Variants in TIMM8A observed in about 807,000 individuals in gnomAD.
TIMM8A encodes the protein mitochondrial import inner membrane translocase subunit Tim8 A.
TIMM8A carries 2 observed loss-of-function variants against 6.8 expected under a neutral mutation model. The observed-to-expected ratio is 0.30, with a 90% confidence interval of 0.12 to 0.93. TIMM8A has a LOEUF of 0.93. TIMM8A is among the 40% of genes least tolerant of loss of function. TIMM8A has a pLI of 0.55. For missense variants in TIMM8A, 34 were observed against 75.2 expected, an observed-to-expected ratio of 0.45 and a Z score of 2.02; for synonymous variants, 26 against 28.5, an observed-to-expected ratio of 0.91 and a Z score of 0.28.
Position 101,348,712 on chromosome X carries a change from G to T in TIMM8A, c.-48C>A, listed in dbSNP as rs782200152. 2 of 1,203,547 alleles carry T rather than the reference G, an allele frequency of 1.7e-6. No homozygotes were observed. The highest frequency in any genetic ancestry group is 3.5e-5 in the African/African-American group (2 of 57,058). ...AGACGAACTCCGCACCGACCTTCACGTGTCTCCGCGACGGAACCGGAACCA... is the reference window on the plus strand; with the variant it reads ...AGACGAACTCCGCACCGACCTTCACTTGTCTCCGCGACGGAACCGGAACCA... On this transcript the variant is annotated 5_prime_UTR_variant, in exon 1 of 2. Coordinates refer to ENST00000372902, the MANE Select transcript of TIMM8A (RefSeq NM_004085.4).
Position 101,345,667 on chromosome X carries a change from C to A in TIMM8A, c.*832G>T, listed in dbSNP as rs1242761872. ...TGCCTTCTCAATCACAGAGTTGAAT[C>A]TTATATAGCTTTTATTTCAGTGATC... On this transcript the variant is annotated 3_prime_UTR_variant, in exon 2 of 2. Transcript: ENST00000372902. The A allele has an allele frequency of 3.1e-5, 23 of 753,762 alleles. No individual in the cohort carries two copies. Among genetic ancestry groups the A allele is most frequent in the Non-Finnish European group, 3.6e-5 (23 of 638,789 alleles). The allele number at this position is 753,762 out of a possible 1,213,427, so 62.1% of individuals were successfully genotyped here.
intron 1 of TIMM8A, chrX:101,348,127 T>C: frequency 9.4e-7 from 1 of 1,063,756 alleles, no homozygotes; most frequent in Non-Finnish European, 1.2e-6. Context: ...GTAATGAAGG[T>C]AAATCCCGAG....
rs782421039 is a variant in TIMM8A, at chrX:101,348,703, G to C, written c.-39C>G. The stretch of plus-strand genomic sequence containing the variant: ...AGCTTGCAGAGACGAACTCCGCACC[G>C]ACCTTCACGTGTCTCCGCGACGGAA... On this transcript the variant is annotated 5_prime_UTR_variant, in exon 1 of 2. Transcript: ENST00000372902. The C allele has an allele frequency of 7.5e-6, 9 of 1,207,874 alleles. No individual in the cohort carries two copies. The Admixed American group carries it at 2.0e-4, about 26-fold the overall frequency.
chrX:101,346,474 C>G lies in TIMM8A; in HGVS notation c.*25G>C, dbSNP rs185711695. On this transcript the variant is annotated 3_prime_UTR_variant, in exon 2 of 2. Transcript: ENST00000372902. ...GCTCTTCATTTCTTGAACTACCTTC[C>G]TTTTCCAAAGAGGTAATGCTGAGAT... 3.5e-4 allele frequency: 429 copies of G among 1,208,944 alleles called. 2 individuals are homozygous for G. The African/African-American group carries it at 6.7e-3, about 19-fold the overall frequency.
chrX:101,348,464 C>G, intron 1 of TIMM8A, 69 bp downstream of exon 1: 1 of 992,247 alleles, frequency 1.0e-6, no homozygotes. Flanking sequence ...GACGTTGTCG[C>G]GAGTCCCGCG....
At chrX:101,348,495 T>C in intron 1 of TIMM8A, 38 bp downstream of exon 1, 4 of 1,156,029 alleles carry the variant, frequency 3.5e-6, no homozygotes, top group Non-Finnish European at 4.6e-6. Context: ...AGAGGGAAAG[T>C]AGGTACAGTG....
In TIMM8A at chrX:101,346,279, C is replaced by T. The variant is rs1926067479; in HGVS notation, c.*220G>A. 2 of 1,073,342 alleles carry T rather than the reference C, an allele frequency of 1.9e-6. No homozygotes were observed. Among genetic ancestry groups the T allele is most frequent in the Admixed American group, 7.7e-5 (2 of 25,861 alleles). 88.5% of individuals were successfully genotyped at this position (1,073,342 alleles called of 1,213,427 possible). ...CTAAATAGAGTTTTCTTTCGCCTGTCAATTATTTTCACAAGATTAGCATTA... is the reference window on the plus strand; with the variant it reads ...CTAAATAGAGTTTTCTTTCGCCTGTTAATTATTTTCACAAGATTAGCATTA... On this transcript the variant is annotated 3_prime_UTR_variant, in exon 2 of 2. Coordinates refer to ENST00000372902, the MANE Select transcript of TIMM8A (RefSeq NM_004085.4).
At chrX:101,346,765 A>C in intron 1 of TIMM8A, 105 bp from the exon 2 acceptor site, 1 of 825,985 alleles carries the variant, frequency 1.2e-6, no homozygotes, top group South Asian at 2.3e-5. Context: ...ACTTTACCTA[A>C]AAATAATATC....
chrX:101,348,702 C>G lies in TIMM8A; in HGVS notation c.-38G>C. 1 of 1,207,868 alleles carries G rather than the reference C, an allele frequency of 8.3e-7. No homozygotes were observed. Among genetic ancestry groups the G allele is most frequent in the Non-Finnish European group, 1.1e-6 (1 of 893,969 alleles). ...AAGCTTGCAGAGACGAACTCCGCAC[C>G]GACCTTCACGTGTCTCCGCGACGGA... On this transcript the variant is annotated 5_prime_UTR_variant, in exon 1 of 2. Transcript: ENST00000372902.
Position 101,346,228 on chromosome X carries a change from A to T in TIMM8A, c.*271T>A. On this transcript the variant is annotated 3_prime_UTR_variant, in exon 2 of 2. Coordinates refer to ENST00000372902, the MANE Select transcript of TIMM8A (RefSeq NM_004085.4). ...CAGTTAATGGGGCTTTGAGAAAAGC[A>T]TAGTCCCATGTACAGTAATATGCAT... 1 of 981,395 alleles carries T rather than the reference A, an allele frequency of 1.0e-6. No homozygotes were observed. The highest frequency in any genetic ancestry group is 1.3e-6 in the Non-Finnish European group (1 of 778,777). 80.9% of individuals were successfully genotyped at this position (981,395 alleles called of 1,213,427 possible). A position where few individuals can be genotyped will look rare whatever the true frequency, so the allele number is the denominator to read the frequency against.
In TIMM8A at chrX:101,346,561, A is replaced by G. The variant is rs1555976113; in HGVS notation, c.232T>C (p.Leu78=). The G allele has an allele frequency of 1.7e-6, 2 of 1,212,001 alleles. No homozygotes were observed. Among genetic ancestry groups the G allele is most frequent in the East Asian group, 3.0e-5 (1 of 33,863 alleles). Residue 78 remains leucine, a synonymous_variant, in exon 2 of 2, where the codon TTG becomes CTG. Transcript: ENST00000372902. The part of the protein sequence containing the change: ...ERFIDTSQFI[L]NRLEQTQKSK... ...TTCTGGGTCTGTTCCAGTCGATTCAAGATGAACTGGCTTGTATCAATGAAG... is the reference window on the plus strand; with the variant it reads ...TTCTGGGTCTGTTCCAGTCGATTCAGGATGAACTGGCTTGTATCAATGAAG...
At chrX:101,348,036 T>C in intron 1 of TIMM8A, 3 of 890,720 alleles carry the variant, frequency 3.4e-6, no homozygotes, top group Non-Finnish European at 4.1e-6. Context: ...CAAATAAGTA[T>C]GTACGTTGGA....
chrX:101,346,711 C>T, intron 1 of TIMM8A, 51 bp from the exon 2 acceptor site: 8 of 1,170,465 alleles, frequency 6.8e-6, no homozygotes, highest in South Asian at 3.7e-5. Flanking sequence ...AAGAAAAAGA[C>T]GGTTGGGGGC....
Position 101,348,676 on chromosome X carries a change from CA to C in TIMM8A, c.-13del, listed in dbSNP as rs1555976438. On this transcript the variant is annotated 5_prime_UTR_variant, in exon 1 of 2. Coordinates refer to ENST00000372902, the MANE Select transcript of TIMM8A (RefSeq NM_004085.4). ...GAGGAGGAATCCATCCCAGGGCGAC[CA>C]AGCTTGCAGAGACGAACTCCGCACC... is the stretch of plus-strand genomic sequence containing the variant. 4.1e-6 allele frequency: 5 copies of C among 1,210,863 alleles called. No homozygotes were observed. The highest frequency in any genetic ancestry group is 5.6e-6 in the Non-Finnish European group (5 of 895,307).
At position 101,348,737 on chromosome X, in the gene TIMM8A, A is replaced by G; in HGVS notation, c.-73T>C. ...GTGTCTCCGCGACGGAACCGGAACCACAGCTAGCTGCCTCTGGGACCGCCC... is the reference window on the plus strand; with the variant it reads ...GTGTCTCCGCGACGGAACCGGAACCGCAGCTAGCTGCCTCTGGGACCGCCC... On this transcript the variant is annotated 5_prime_UTR_variant, in exon 1 of 2. Transcript: ENST00000372902. 1 of 1,182,379 alleles carries G rather than the reference A, an allele frequency of 8.5e-7. No homozygotes were observed. The highest frequency in any genetic ancestry group is 3.0e-5 in the East Asian group (1 of 32,978).
rs1441688216 is a variant in TIMM8A at position 101,346,325 on chromosome X, G to A, written c.*174C>T. On this transcript the variant is annotated 3_prime_UTR_variant, in exon 2 of 2. Coordinates refer to ENST00000372902, the MANE Select transcript of TIMM8A (RefSeq NM_004085.4). ...CATTAAAAAATACAAGCAAACATAT[G>A]ACCCTTAAGCTTCACACACAAAAAA... 1 of 1,134,946 alleles carries A rather than the reference G, an allele frequency of 8.8e-7. No individual in the cohort carries two copies. Among genetic ancestry groups the A allele is most frequent in the African/African-American group, 1.8e-5 (1 of 55,058 alleles). The allele number at this position is 1,134,946 out of a possible 1,213,427, so 93.5% of individuals were successfully genotyped here. A position where few individuals can be genotyped will look rare whatever the true frequency, so the allele number is the denominator to read the frequency against.
chrX:101,348,632 A>G lies in TIMM8A; in HGVS notation c.33T>C (p.Gly11=), dbSNP rs148620571. 1.7e-6 allele frequency: 2 copies of G among 1,209,383 alleles called. No individual in the cohort carries two copies. The highest frequency in any genetic ancestry group is 2.2e-6 in the Non-Finnish European group (2 of 894,243). Residue 11 remains glycine, a synonymous_variant, in exon 1 of 2, where the codon GGT becomes GGC. Coordinates refer to ENST00000372902, the MANE Select transcript of TIMM8A (RefSeq NM_004085.4). MDSSSSSSAA[G]LGAVDPQLQH... ...GCAACTGCGGGTCCACTGCACCCAA[A>G]CCCGCCGCGGAGGAAGAGGAGGAGG...
rs782494986 is a variant in TIMM8A at position 101,348,696 on chromosome X, C to G, written c.-32G>C. The G allele has an allele frequency of 1.7e-6, 2 of 1,209,578 alleles. No homozygotes were observed. The highest frequency in any genetic ancestry group is 3.5e-5 in the South Asian group (2 of 56,944). ...GCGACCAAGCTTGCAGAGACGAACT[C>G]CGCACCGACCTTCACGTGTCTCCGC... is the stretch of plus-strand genomic sequence containing the variant. On this transcript the variant is annotated 5_prime_UTR_variant, in exon 1 of 2. Coordinates refer to ENST00000372902, the MANE Select transcript of TIMM8A (RefSeq NM_004085.4).
intron 1 of TIMM8A, chrX:101,347,951 C>T: frequency 8.2e-6 from 6 of 734,235 alleles, no homozygotes; most frequent in Non-Finnish European, 9.8e-6. Context: ...CCAAAGTCCC[C>T]TCACAGGGCA....
Sources: gnomAD v4.1 joint callset for allele counts on GRCh38, gnomAD v4.1.1 for gene constraint, MANE v1.5 for transcripts, NCBI Gene and HGNC (gene_info 2026-07-23, HGNC 2026-07-21) for gene names.